The following CHST11 variants were observed in gnomAD, a reference collection of about 807,000 sequenced individuals.
CHST11 encodes C4S-1.
A neutral mutation model predicts 30.4 loss-of-function variants in CHST11; 9 were observed. The ratio of observed to expected loss-of-function variants is 0.30; its 90% confidence interval spans 0.18 to 0.52. CHST11 has a LOEUF of 0.52. Among genes scored for constraint, CHST11 ranks in the 20% least tolerant of loss-of-function variants. The pLI, the probability that CHST11 is intolerant of heterozygous loss-of-function variation, is 0.97. For missense variants in CHST11, 348 were observed against 460.6 expected, an observed-to-expected ratio of 0.76 and a Z score of 2.24; for synonymous variants, 152 against 187.8, an observed-to-expected ratio of 0.81 and a Z score of 1.56.
chr12:104,689,352 G>T (rs1206963714), intron 2 of CHST11, among the ~76,000 whole-genome samples: 1 of 152,168 alleles, frequency 6.6e-6, no homozygotes, highest in African/African-American at 2.4e-5. Flanking sequence ...CCAAGGATAG[G>T]CCCAATGGCT....
intron 1 of CHST11, among the ~76,000 whole-genome samples, chr12:104,547,161 T>C (rs1057462508): frequency 6.6e-6 from 1 of 152,152 alleles, no homozygotes; most frequent in Non-Finnish European, 1.5e-5. Context: ...GGGGAGTAAT[T>C]GAGACAGGTA....
intron 2 of CHST11, among the ~76,000 whole-genome samples, chr12:104,742,899 G>A (rs1485049650): frequency 7.2e-5 from 11 of 152,192 alleles, no homozygotes; most frequent in African/African-American, 2.2e-4. Context: ...GAGAGTCCCC[G>A]CTCTTCTCTC....
intron 2 of CHST11, among the ~76,000 whole-genome samples, chr12:104,704,532 G>A (rs568258538): frequency 2.6e-5 from 4 of 152,226 alleles, no homozygotes; most frequent in Non-Finnish European, 4.4e-5. Flanking sequence ...TGCCTTGACC[G>A]TCACTGCTTG....
In CHST11 at chr12:104,457,071, C is replaced by T. The variant is rs1203994282; in HGVS notation, c.-341C>T. On this transcript the variant is annotated 5_prime_UTR_variant, in exon 1 of 3. Transcript: ENST00000303694. ...CAGCGCAGCGGCAGCGGCGGCGGCACCACCATCACCGCTCGCACCCCAGCC... is the reference window on the plus strand; with the variant it reads ...CAGCGCAGCGGCAGCGGCGGCGGCATCACCATCACCGCTCGCACCCCAGCC... The T allele has an allele frequency of 3.1e-5, 6 of 195,774 alleles. No homozygotes were observed. The allele number at this position is 195,774 out of a possible 1,614,324, so 12.1% of individuals were successfully genotyped here.
intron 1 of CHST11, among the ~76,000 whole-genome samples, chr12:104,474,528 C>G (rs570495559): frequency 1.3e-5 from 2 of 152,278 alleles, no homozygotes; most frequent in South Asian, 4.1e-4. Flanking sequence ...CCTGTAAAAG[C>G]AAAATGAGAT....
intron 1 of CHST11, among the ~76,000 whole-genome samples, chr12:104,583,379 C>A (rs2038767271): frequency 6.6e-6 from 1 of 152,096 alleles, no homozygotes; most frequent in Non-Finnish European, 1.5e-5. Context: ...AGCTTTGCAT[C>A]TTGGATTCAC....
intron 1 of CHST11, among the ~76,000 whole-genome samples, chr12:104,560,722 T>G (rs2038505354): frequency 6.6e-6 from 1 of 152,248 alleles, no homozygotes; most frequent in Non-Finnish European, 1.5e-5. Flanking sequence ...GTTCTGCTTT[T>G]CCATAGTGAA....
chr12:104,465,278 T>C (rs968988364), intron 1 of CHST11, among the ~76,000 whole-genome samples: 1 of 152,226 alleles, frequency 6.6e-6, no homozygotes, highest in Admixed American at 6.5e-5. Context: ...TCTTTTTAAC[T>C]TTGCCTGGCA....
intron 2 of CHST11, among the ~76,000 whole-genome samples, chr12:104,645,321 T>C (rs1266450929): frequency 6.6e-6 from 1 of 152,118 alleles, no homozygotes; most frequent in Non-Finnish European, 1.5e-5. Context: ...TTGGCAATAA[T>C]CCTCTGAGGT....
At chr12:104,673,117 C>T (rs1304676326) in intron 2 of CHST11, among the ~76,000 whole-genome samples, 4 of 152,172 alleles carry the variant, frequency 2.6e-5, no homozygotes, top group South Asian at 4.1e-4. Flanking sequence ...CACGTTGCTG[C>T]CCCCTCTTCT....
intron 2 of CHST11, among the ~76,000 whole-genome samples, chr12:104,664,886 G>C (rs989105750): frequency 6.6e-5 from 10 of 152,192 alleles, no homozygotes; most frequent in African/African-American, 2.4e-4. Context: ...GGAACTTGCT[G>C]TATGTGCTTT....
chr12:104,683,896 A>T (rs2039820781), intron 2 of CHST11, among the ~76,000 whole-genome samples: 1 of 152,188 alleles, frequency 6.6e-6, no homozygotes, highest in African/African-American at 2.4e-5. Context: ...ACTCAGTTCC[A>T]TCATGCTAGC....
intron 2 of CHST11, among the ~76,000 whole-genome samples, chr12:104,662,787 G>A (rs2039608954): frequency 6.6e-6 from 1 of 152,106 alleles, no homozygotes; most frequent in Non-Finnish European, 1.5e-5. Flanking sequence ...AATACAAGTA[G>A]GGTTTATTGC....
intron 1 of CHST11, among the ~76,000 whole-genome samples, chr12:104,484,931 T>C (rs1173173243): frequency 6.6e-6 from 1 of 152,174 alleles, no homozygotes; most frequent in Non-Finnish European, 1.5e-5. Flanking sequence ...TTGGGAATCA[T>C]GGCCCGAATG....
intron 2 of CHST11, among the ~76,000 whole-genome samples, chr12:104,671,185 T>G: frequency 6.6e-6 from 1 of 152,198 alleles, no homozygotes; most frequent in East Asian, 1.9e-4. Context: ...CTGCTGGCCA[T>G]GGGCACACCC....
chr12:104,545,960 T>G (rs981642695), intron 1 of CHST11, among the ~76,000 whole-genome samples: 3 of 152,070 alleles, frequency 2.0e-5, no homozygotes, highest in Non-Finnish European at 4.4e-5. Flanking sequence ...GTGCCCATCC[T>G]CTAGGGTCTG....
rs557362264 is a variant in CHST11, at chr12:104,658,001, C to T, written c.204+56010C>T. On this transcript the variant is annotated intron_variant, in intron 2 of 2. Transcript: ENST00000303694. ...AGCAGTGTTCAGGGACGCAGCCCAC[C>T]TTCCTGGGTAGTTTTCCACTGCAAC... Among the ~76,000 whole-genome samples the T allele has an allele frequency of 6.6e-5, 10 of 152,292 alleles. No homozygotes were observed. The South Asian group carries it at 1.9e-3, about 28-fold the overall frequency.
intron 1 of CHST11, among the ~76,000 whole-genome samples, chr12:104,571,434 A>G (rs1402850398): frequency 6.6e-6 from 1 of 152,182 alleles, no homozygotes; most frequent in Admixed American, 6.5e-5. Context: ...AAGTGCTGGG[A>G]TTACAGGTCT....
At chr12:104,643,136 C>A (rs2694419) in intron 2 of CHST11, among the ~76,000 whole-genome samples, 70,033 of 151,758 alleles carry the variant, frequency 0.46, 16,195 homozygotes, top group Non-Finnish European at 0.49. Flanking sequence ...CTAGCCTGGG[C>A]AACATAGTGA....
Sources: allele counts gnomAD v4.1 joint callset (sites outside exome capture counted in the v4.1 genomes callset), GRCh38; gene constraint gnomAD v4.1.1; transcripts MANE v1.5; gene names NCBI Gene and HGNC (gene_info 2026-07-23, HGNC 2026-07-21).